CYSLTR2: variants seen among roughly 807,000 people sequenced by gnomAD.
CYSLTR2 encodes the protein G-protein coupled receptor GPCR21.
For missense variants in CYSLTR2, 398 were observed against 411.9 expected (o/e 0.97, Z 0.29); for synonymous variants, 179 against 160.8 (o/e 1.11, Z -0.86).
rs185577844 is a variant in CYSLTR2 at position 48,657,031 on chromosome 13, C to T, written c.-266+3014C>T. ...TACAGTATGTTCTATTGGACCAAGA[C>T]TCTGACATTGGAGTCATTGCATAGA... is the stretch of plus-strand genomic sequence containing the variant. On this transcript the variant is annotated intron_variant, in intron 1 of 4. Coordinates refer to ENST00000682523, the MANE Select transcript of CYSLTR2 (RefSeq NM_001308476.3). Among the ~76,000 whole-genome samples, 419 of 152,342 alleles carry T rather than the reference C, an allele frequency of 2.8e-3. 1 individual carries two copies. The highest frequency in any genetic ancestry group is 4.9e-3 in the Non-Finnish European group (332 of 68,032).
rs184081455 is a variant in CYSLTR2 at position 48,682,648 on chromosome 13, T to G, written c.-265-8564T>G. The stretch of plus-strand genomic sequence containing the variant: ...GCTCTGCACATGAGAAATTTCATCA[T>G]ATCAGTTCTTAAGAAATCAACTTAC... On this transcript the variant is annotated intron_variant, in intron 1 of 4. Coordinates refer to ENST00000682523, the MANE Select transcript of CYSLTR2 (RefSeq NM_001308476.3). 2.0e-4 allele frequency among the ~76,000 whole-genome samples: 30 copies of G among 152,298 alleles called. No homozygotes were observed. In the East Asian group the frequency reaches 4.4e-3, roughly 23 times the overall value.
intron 1 of CYSLTR2, among the ~76,000 whole-genome samples, chr13:48,680,959 T>C (rs1953739607): frequency 6.6e-6 from 1 of 152,092 alleles, no homozygotes; most frequent in Non-Finnish European, 1.5e-5. Flanking sequence ...TGGCCCTGCT[T>C]TTTGCTGGTA....
intron 1 of CYSLTR2, among the ~76,000 whole-genome samples, chr13:48,655,746 T>A (rs1952982703): frequency 6.6e-6 from 1 of 152,226 alleles, no homozygotes; most frequent in Non-Finnish European, 1.5e-5. Flanking sequence ...AACTGGAGGA[T>A]GTAATTCTTA....
chr13:48,671,145 T>C (rs1411392086), intron 1 of CYSLTR2, among the ~76,000 whole-genome samples: 3 of 152,264 alleles, frequency 2.0e-5, no homozygotes, highest in Admixed American at 1.3e-4. Context: ...GAGACTTTGC[T>C]GAAGGTGCTT....
At position 48,707,409 on chromosome 13, in the gene CYSLTR2, C is replaced by T; in HGVS notation, c.592C>T (p.Leu198=). The T allele has an allele frequency of 6.2e-7, 1 of 1,614,164 alleles. No individual in the cohort carries two copies. Among genetic ancestry groups the T allele is most frequent in the Non-Finnish European group, 8.5e-7 (1 of 1,180,044 alleles). Residue 198 remains leucine (L), a synonymous_variant, in exon 5 of 5, where the codon CTG becomes TTG. Transcript: ENST00000682523. ...GCTGAATCTCTATAAAATTGCTAAG[C>T]TGCAGACCATGAACTATATTGCCTT... is the stretch of plus-strand genomic sequence containing the variant. The part of the protein sequence containing the change: ...LELNLYKIAK[L]QTMNYIALVV...
chr13:48,695,572 T>C (rs1954162988), intron 3 of CYSLTR2, among the ~76,000 whole-genome samples: 1 of 152,148 alleles, frequency 6.6e-6, no homozygotes, highest in South Asian at 2.1e-4. Context: ...CTACCTCTAC[T>C]TCCCTCCAAC....
intron 4 of CYSLTR2, among the ~76,000 whole-genome samples, chr13:48,699,887 A>C (rs970467479): frequency 1.3e-5 from 2 of 152,210 alleles, no homozygotes; most frequent in African/African-American, 4.8e-5. Flanking sequence ...AATACTATAC[A>C]CACCTCTAAG....
Position 48,708,675 on chromosome 13 carries a change from CA to C in CYSLTR2, c.*818del, listed in dbSNP as rs1954567165. On this transcript the variant is annotated 3_prime_UTR_variant, in exon 5 of 5. Coordinates refer to ENST00000682523, the MANE Select transcript of CYSLTR2 (RefSeq NM_001308476.3). ...TTGACCTTGCTGCAGTTCTCCTTCC[CA>C]TTAATTCATTGGGATGGAAGCCAAA... 6.0e-6 allele frequency: 1 copy of C among 167,036 alleles called. No individual in the cohort carries two copies. The highest frequency in any genetic ancestry group is 1.5e-5 in the Non-Finnish European group (1 of 68,130). 10.3% of individuals were successfully genotyped at this position (167,036 alleles called of 1,614,324 possible). A position where few individuals can be genotyped will look rare whatever the true frequency, so the allele number is the denominator to read the frequency against.
At chr13:48,662,835 C>T (rs769251629) in intron 1 of CYSLTR2, among the ~76,000 whole-genome samples, 1 of 152,114 alleles carries the variant, frequency 6.6e-6, no homozygotes, top group African/African-American at 2.4e-5. Context: ...CTTTGCTGTG[C>T]AGAAACTTTC....
rs1954576002 is a variant in CYSLTR2 at position 48,709,058 on chromosome 13, G to T, written c.*1200G>T. The T allele has an allele frequency of 6.0e-6, 1 of 167,080 alleles. No individual in the cohort carries two copies. Among genetic ancestry groups the T allele is most frequent in the African/African-American group, 2.4e-5 (1 of 41,456 alleles). 10.3% of individuals were successfully genotyped at this position (167,080 alleles called of 1,614,324 possible). A position where few individuals can be genotyped will look rare whatever the true frequency, so the allele number is the denominator to read the frequency against. ...CTCTGAGTTCCATTTTACAGCTGAA[G>T]AAATTGAAGCTTAGAGAAATTAAGA... On this transcript the variant is annotated 3_prime_UTR_variant, in exon 5 of 5. Transcript: ENST00000682523.
intron 1 of CYSLTR2, among the ~76,000 whole-genome samples, chr13:48,679,961 A>G (rs1953705161): frequency 6.6e-6 from 1 of 152,124 alleles, no homozygotes; most frequent in Non-Finnish European, 1.5e-5. Context: ...GCAACTAGGG[A>G]GGCTTCCGCA....
chr13:48,688,874 A>G (rs1231166653), intron 1 of CYSLTR2, among the ~76,000 whole-genome samples: 1 of 152,182 alleles, frequency 6.6e-6, no homozygotes, highest in Non-Finnish European at 1.5e-5. Flanking sequence ...ACTCCCACCA[A>G]CAGTGTAAAA....
chr13:48,706,953 C>G lies in CYSLTR2; in HGVS notation c.136C>G (p.Leu46Val). ...FKREFFPIVY[L>V]IIFFWGVLGN... ...GAGAGAATTTTTCCCAATTGTATAT[C>G]TGATAATATTTTTCTGGGGAGTCTT... The change falls in exon 5 of 5, where the codon CTG becomes GTG. Residue 46 changes from leucine (L) to valine (V), a missense_variant. Coordinates refer to ENST00000682523, the MANE Select transcript of CYSLTR2 (RefSeq NM_001308476.3). 1.2e-6 allele frequency: 2 copies of G among 1,614,154 alleles called. No homozygotes were observed. Among genetic ancestry groups the G allele is most frequent in the Non-Finnish European group, 1.7e-6 (2 of 1,180,018 alleles).
At chr13:48,666,600 C>T (rs931703837) in intron 1 of CYSLTR2, among the ~76,000 whole-genome samples, 2 of 151,986 alleles carry the variant, frequency 1.3e-5, no homozygotes, top group Admixed American at 6.6e-5. Flanking sequence ...TCTTTTATGC[C>T]TTTTTTGTTT....
Position 48,706,965 on chromosome 13 carries a change from T to G in CYSLTR2, c.148T>G (p.Phe50Val), listed in dbSNP as rs143085034. ...FFPIVYLIIFFWGVLGNGLSI... is the reference protein window; with the variant it reads ...FFPIVYLIIFVWGVLGNGLSI... ...CCCAATTGTATATCTGATAATATTT[T>G]TCTGGGGAGTCTTGGGAAATGGGTT... is the stretch of plus-strand genomic sequence containing the variant. Residue 50 changes from phenylalanine to valine, a missense_variant, in exon 5 of 5, where the codon TTC becomes GTC. Phe to Val is a conservative substitution (Grantham distance 50). Coordinates refer to ENST00000682523, the MANE Select transcript of CYSLTR2 (RefSeq NM_001308476.3). 6.2e-3 allele frequency: 9,946 copies of G among 1,614,178 alleles called. 48 individuals are homozygous for G. Among genetic ancestry groups the G allele is most frequent in the Middle Eastern group, 0.016 (99 of 6,062 alleles).
chr13:48,702,657 T>C, intron 4 of CYSLTR2, among the ~76,000 whole-genome samples: 1 of 152,044 alleles, frequency 6.6e-6, no homozygotes, highest in East Asian at 1.9e-4. Flanking sequence ...TCTATCTGTT[T>C]GTCCTTCAGC....
intron 4 of CYSLTR2, among the ~76,000 whole-genome samples, chr13:48,706,362 T>G (rs572346758): frequency 6.6e-6 from 1 of 152,348 alleles, no homozygotes; most frequent in African/African-American, 2.4e-5. Flanking sequence ...AAAGTCTTGA[T>G]TTTTCTCTTT....
chr13:48,694,678 G>A (rs560286785), intron 3 of CYSLTR2: 10 of 146,910 alleles, frequency 6.8e-5, no homozygotes, highest in African/African-American at 2.5e-4. Context: ...CAGAGCCCAA[G>A]ACCACCAGAA....
At chr13:48,661,676 T>C (rs1336258235) in intron 1 of CYSLTR2, among the ~76,000 whole-genome samples, 1 of 152,228 alleles carries the variant, frequency 6.6e-6, no homozygotes, top group Non-Finnish European at 1.5e-5. Context: ...CCTGCTACCT[T>C]ACACCAACTG....
Sources: gnomAD v4.1 joint callset for allele counts (sites outside exome capture counted in the v4.1 genomes callset) on GRCh38, gnomAD v4.1.1 for gene constraint, MANE v1.5 for transcripts, NCBI Gene and HGNC (gene_info 2026-07-23, HGNC 2026-07-21) for gene names.